The following LHFPL6 variants were observed in gnomAD, a reference collection of about 807,000 sequenced individuals.
The protein encoded by LHFPL6 is LHFPL tetraspan subfamily member 6 protein.
A neutral mutation model predicts 20.6 loss-of-function variants in LHFPL6; 9 were observed. The ratio of observed to expected loss-of-function variants is 0.44; its 90% CI spans 0.26 to 0.76. LHFPL6 has a LOEUF of 0.76. Among genes scored for constraint, LHFPL6 ranks in the 30% least tolerant of loss-of-function variants. LHFPL6 has a pLI of 0.20. For synonymous variants in LHFPL6, 105 were observed against 98.7 expected, an observed-to-expected ratio of 1.06 and a Z score of -0.38; for missense variants, 218 against 253.5, an observed-to-expected ratio of 0.86 and a Z score of 0.95.
rs564889310 is a variant in LHFPL6, at chr13:39,592,674, G to T, written c.385+8158C>A. Among the ~76,000 whole-genome samples the T allele has an allele frequency of 2.6e-5, 4 of 152,260 alleles. No individual in the cohort carries two copies. In the South Asian group the frequency reaches 8.3e-4, roughly 32 times the overall value. ...GCCTGGCAGAGACACGACAAAAAAA[G>T]AGAATTTTAGACCAATATCCCTGAT... On this transcript the variant is annotated intron_variant, in intron 2 of 3. Transcript: ENST00000379589.
chr13:39,553,395 TC>T (rs1871199881), intron 2 of LHFPL6, among the ~76,000 whole-genome samples: 1 of 152,138 alleles, frequency 6.6e-6, no homozygotes, highest in African/African-American at 2.4e-5. Flanking sequence ...TGACACTATG[TC>T]AGTCTTGAGA....
chr13:39,417,517 G>A (rs1871378285), intron 2 of LHFPL6, among the ~76,000 whole-genome samples: 1 of 152,102 alleles, frequency 6.6e-6, no homozygotes, highest in South Asian at 2.1e-4. Context: ...CGCTCAAAAG[G>A]CAAAAGAGAC....
intron 2 of LHFPL6, among the ~76,000 whole-genome samples, chr13:39,531,453 T>C (rs1870462503): frequency 6.6e-6 from 1 of 152,218 alleles, no homozygotes; most frequent in African/African-American, 2.4e-5. Flanking sequence ...GAGGTTATTT[T>C]AAATTAACAA....
At chr13:39,585,935 G>C (rs940434820) in intron 2 of LHFPL6, among the ~76,000 whole-genome samples, 7 of 152,064 alleles carry the variant, frequency 4.6e-5, no homozygotes, top group African/African-American at 7.2e-5. Context: ...ATAAAATTTA[G>C]GACATTTTAA....
At chr13:39,590,153 T>C (rs1459875172) in intron 2 of LHFPL6, among the ~76,000 whole-genome samples, 1 of 152,190 alleles carries the variant, frequency 6.6e-6, no homozygotes, top group Non-Finnish European at 1.5e-5. Context: ...AAATTCAGTG[T>C]TCTCAGCTGT....
At chr13:39,562,631 T>TATATACACATATATACAC (rs1275626463) in intron 2 of LHFPL6, among the ~76,000 whole-genome samples, 3 of 31,192 alleles carry the variant, frequency 9.6e-5, no homozygotes, top group Non-Finnish European at 1.5e-4. Flanking sequence ...TATACACACA[T>TATATACACATATATACAC]ATATATACAC....
intron 3 of LHFPL6, among the ~76,000 whole-genome samples, chr13:39,370,271 A>G (rs1419274780): frequency 6.6e-6 from 1 of 152,040 alleles, no homozygotes; most frequent in Non-Finnish European, 1.5e-5. Context: ...ATGGGTTCCT[A>G]TACAATTTGG....
intron 3 of LHFPL6, among the ~76,000 whole-genome samples, chr13:39,369,369 A>AT (rs1020856445): frequency 1.3e-5 from 2 of 151,930 alleles, no homozygotes; most frequent in Non-Finnish European, 2.9e-5. Flanking sequence ...ATGTAGAGCA[A>AT]TTTTTTTTCC....
intron 2 of LHFPL6, among the ~76,000 whole-genome samples, chr13:39,403,663 A>G (rs1871044878): frequency 6.6e-6 from 1 of 152,226 alleles, no homozygotes; most frequent in Non-Finnish European, 1.5e-5. Context: ...GCCAATAAAC[A>G]TCAACATTAG....
Position 39,343,756 on chromosome 13 carries a change from C to T in LHFPL6, c.*180G>A. 1.8e-6 allele frequency: 1 copy of T among 562,610 alleles called. No individual in the cohort carries two copies. The highest frequency in any genetic ancestry group is 3.1e-6 in the Non-Finnish European group (1 of 317,858). The allele number at this position is 562,610 out of a possible 1,614,324, so 34.9% of individuals were successfully genotyped here. Reference sequence around the variant, plus strand: ...ATTCTATACTCTCCTTTTTTTTCCCCCACAAATCTCCTACAATCCTTCCTT... The same window carrying T: ...ATTCTATACTCTCCTTTTTTTTCCCTCACAAATCTCCTACAATCCTTCCTT... On this transcript the variant is annotated 3_prime_UTR_variant, in exon 4 of 4. Transcript: ENST00000379589.
chr13:39,592,004 G>A (rs571132116), intron 2 of LHFPL6, among the ~76,000 whole-genome samples: 1 of 152,004 alleles, frequency 6.6e-6, no homozygotes, highest in East Asian at 1.9e-4. Context: ...GCCAAGGCGG[G>A]AGAATCGCTT....
intron 3 of LHFPL6, among the ~76,000 whole-genome samples, chr13:39,347,105 C>T (rs1168586518): frequency 6.7e-6 from 1 of 149,512 alleles, no homozygotes; most frequent in South Asian, 2.1e-4. Context: ...AAAAAAAAGC[C>T]CCGTTAATGA....
At position 39,360,813 on chromosome 13, in the gene LHFPL6, T is replaced by C. The variant is rs114423355; in HGVS notation, c.485-16759A>G. ...ATGCATTCTTTTATATTCAATGGTA[T>C]AAGTTTCCCTTCTGGATTCCCACAA... On this transcript the variant is annotated intron_variant, in intron 3 of 3. Transcript: ENST00000379589. Among the ~76,000 whole-genome samples, 48 of 95,372 alleles carry C rather than the reference T, an allele frequency of 5.0e-4. 14 individuals are homozygous for C. The highest frequency in any genetic ancestry group is 1.4e-3 in the African/African-American group (46 of 32,610). 62.6% of individuals were successfully genotyped at this position (95,372 alleles called of 152,430 possible).
intron 3 of LHFPL6, among the ~76,000 whole-genome samples, chr13:39,370,105 G>GCC (rs1392316308): frequency 6.6e-6 from 1 of 152,150 alleles, no homozygotes; most frequent in Non-Finnish European, 1.5e-5. Flanking sequence ...ATGGAAAGAG[G>GCC]CCCCTAAGAA....
intron 2 of LHFPL6, among the ~76,000 whole-genome samples, chr13:39,508,118 A>G (rs1393133953): frequency 1.3e-5 from 2 of 151,314 alleles, no homozygotes; most frequent in South Asian, 2.1e-4. Context: ...TCCGCCTCCC[A>G]GGTTCAAGTG....
At chr13:39,571,062 T>C (rs547796267) in intron 2 of LHFPL6, among the ~76,000 whole-genome samples, 29 of 152,298 alleles carry the variant, frequency 1.9e-4, no homozygotes, top group African/African-American at 6.7e-4. Context: ...TAGGCAAGCT[T>C]ATTCTTTTTA....
intron 2 of LHFPL6, among the ~76,000 whole-genome samples, chr13:39,587,488 C>G (rs1179057362): frequency 1.3e-5 from 2 of 152,052 alleles, no homozygotes; most frequent in African/African-American, 2.4e-5. Flanking sequence ...CCTGGACATT[C>G]CTAGATTAAA....
intron 2 of LHFPL6, among the ~76,000 whole-genome samples, chr13:39,481,308 C>G (rs898340291): frequency 5.3e-5 from 8 of 152,112 alleles, no homozygotes; most frequent in Admixed American, 2.0e-4. Context: ...TCAACCCATA[C>G]GAAGCACCTA....
At chr13:39,350,806 C>T (rs562919708) in intron 3 of LHFPL6, among the ~76,000 whole-genome samples, 10 of 152,102 alleles carry the variant, frequency 6.6e-5, no homozygotes, top group Admixed American at 6.5e-4. Flanking sequence ...CCTGCCAAGT[C>T]GACAGAAAAA....
Sources: allele counts gnomAD v4.1 joint callset (sites outside exome capture counted in the v4.1 genomes callset), GRCh38; gene constraint gnomAD v4.1.1; transcripts MANE v1.5; gene names NCBI Gene and HGNC (gene_info 2026-07-23, HGNC 2026-07-21).